Variants in RSPH14 observed in about 807,000 individuals in gnomAD.
RSPH14 encodes rhabdoid tumor deletion region gene 1.
Under a neutral mutation model 26.7 loss-of-function variants are expected in RSPH14, and 20 were observed. The observed-to-expected ratio is 0.75, with a 90% CI of 0.53 to 1.09. The LOEUF (loss-of-function observed/expected upper bound fraction) is 1.09. RSPH14 is among the 50% of genes least tolerant of loss of function. RSPH14 has a pLI of 0.00. For missense variants in RSPH14, 449 were observed against 457.2 expected (o/e 0.98, Z 0.16); for synonymous variants, 177 against 189.3 (o/e 0.93, Z 0.53).
intron 5 of RSPH14, 146 bp downstream of exon 5, chr22:23,063,756 A>AGC (rs2068139532): frequency 1.4e-6 from 1 of 704,796 alleles, no homozygotes; most frequent in African/African-American, 1.8e-5. Context: ...GGAGAAGGTC[A>AGC]TCCTCTGTCC....
chr22:23,073,790 T>C (rs1387737516), intron 4 of RSPH14, among the ~76,000 whole-genome samples: 1 of 152,192 alleles, frequency 6.6e-6, no homozygotes, highest in Non-Finnish European at 1.5e-5. Context: ...TGCCAGGCAC[T>C]GTGCCAGGTG....
At chr22:23,115,499 C>T (rs989812608) in intron 4 of RSPH14, among the ~76,000 whole-genome samples, 1 of 152,094 alleles carries the variant, frequency 6.6e-6, no homozygotes, top group African/African-American at 2.4e-5. Flanking sequence ...TCTGGGAGTG[C>T]GTCTGGCCTC....
At chr22:23,128,359 G>A (rs1167467652) in intron 4 of RSPH14, among the ~76,000 whole-genome samples, 1 of 152,204 alleles carries the variant, frequency 6.6e-6, no homozygotes. Flanking sequence ...TCATCGGGCT[G>A]GGGAGCAGAA....
the RSPH14 span, chr22:23,160,825 T>C: frequency 1.9e-6 from 3 of 1,582,564 alleles, no homozygotes; most frequent in Non-Finnish European, 2.6e-6. Context: ...CCCAGATGCA[T>C]TAAGGGGCAA....
At chr22:23,114,486 G>A (rs527415242) in intron 4 of RSPH14, among the ~76,000 whole-genome samples, 30 of 152,072 alleles carry the variant, frequency 2.0e-4, no homozygotes, top group African/African-American at 6.5e-4. Context: ...AGCCCCCAGA[G>A]GTCCAGTCAA....
upstream of RSPH14, chr22:23,145,381 G>T: frequency 6.2e-7 from 1 of 1,607,922 alleles, no homozygotes; most frequent in Non-Finnish European, 8.5e-7. Flanking sequence ...GATCGCCGGT[G>T]CAAGCTGGAT....
intron 4 of RSPH14, among the ~76,000 whole-genome samples, chr22:23,101,487 C>T (rs1382569185): frequency 1.3e-5 from 2 of 152,124 alleles, no homozygotes; most frequent in Non-Finnish European, 2.9e-5. Context: ...GTTGACACTC[C>T]CCTCGTCCCC....
At position 23,140,488 on chromosome 22, in the gene RSPH14, A is replaced by C; in HGVS notation, c.-52-16T>G. The stretch of plus-strand genomic sequence containing the variant: ...AAACCACTCACTAAAAGAGACCAAA[A>C]AGCTGTCATTATTTCTATTATGATT... On this transcript the variant is annotated splice_polypyrimidine_tract_variant and intron_variant, in intron 1 of 6. Transcript: ENST00000216036. 1 of 1,559,098 alleles carries C rather than the reference A, an allele frequency of 6.4e-7. No homozygotes were observed. The highest frequency in any genetic ancestry group is 1.2e-5 in the South Asian group (1 of 85,380).
chr22:23,123,491 G>A (rs764721927), intron 4 of RSPH14: 36 of 1,133,136 alleles, frequency 3.2e-5, no homozygotes, highest in African/African-American at 1.2e-4. Context: ...ATGCCCCAAC[G>A]CGTGCTAGAG....
the RSPH14 span, chr22:23,152,949 C>T: frequency 3.0e-6 from 3 of 987,660 alleles, no homozygotes; most frequent in Admixed American, 1.9e-5. Flanking sequence ...CCTTATTTGC[C>T]TAAAGACTTG....
intron 4 of RSPH14, among the ~76,000 whole-genome samples, chr22:23,118,182 C>A (rs1366781855): frequency 2.6e-5 from 4 of 152,194 alleles, no homozygotes; most frequent in African/African-American, 9.7e-5. Context: ...GAAATGACTT[C>A]CACACCACCC....
At chr22:23,073,561 C>T (rs1215311553) in intron 4 of RSPH14, among the ~76,000 whole-genome samples, 1 of 152,210 alleles carries the variant, frequency 6.6e-6, no homozygotes, top group Non-Finnish European at 1.5e-5. Context: ...CAAGAGTGCC[C>T]TGCCCTGTCC....
At chr22:23,061,429 T>C (rs1306131947) in intron 6 of RSPH14, among the ~76,000 whole-genome samples, 32 of 152,094 alleles carry the variant, frequency 2.1e-4, no homozygotes, top group Admixed American at 1.9e-3. Context: ...ATAAACACCA[T>C]AGAGTCAAGG....
At chr22:23,160,864 C>T in the RSPH14 span, 1 of 1,611,458 alleles carries the variant, frequency 6.2e-7, no homozygotes, top group Non-Finnish European at 8.5e-7. Context: ...TCCCGGCTGT[C>T]TTGTGGGCCC....
upstream of RSPH14, chr22:23,145,573 G>A (rs762045062): frequency 1.3e-6 from 2 of 1,589,884 alleles, no homozygotes; most frequent in Admixed American, 1.7e-5. Context: ...CGCCCACTCT[G>A]TCCGACCCTC....
At chr22:23,076,953 G>A (rs999611440) in intron 4 of RSPH14, among the ~76,000 whole-genome samples, 3 of 152,222 alleles carry the variant, frequency 2.0e-5, no homozygotes, top group Non-Finnish European at 2.9e-5. Flanking sequence ...TTGCCTTTGA[G>A]TTGGAAGCTC....
At chr22:23,126,629 G>A (rs939447118) in intron 4 of RSPH14, among the ~76,000 whole-genome samples, 1 of 152,218 alleles carries the variant, frequency 6.6e-6, no homozygotes, top group African/African-American at 2.4e-5. Context: ...CGCATGCTGA[G>A]CTGGGATGGT....
At chr22:23,178,357 G>A in the RSPH14 span, among the ~76,000 whole-genome samples, 7 of 151,690 alleles carry the variant, frequency 4.6e-5, no homozygotes, top group African/African-American at 9.7e-5. Flanking sequence ...CAGAGGTTGC[G>A]GTGAGCAGAG....
rs761195937 is a variant in RSPH14 at position 23,123,207 on chromosome 22, A to G, written c.421+10819T>C. 3 of 1,613,972 alleles carry G rather than the reference A, an allele frequency of 1.9e-6. No homozygotes were observed. The South Asian group carries it at 3.3e-5, about 18-fold the overall frequency. ...CCTGCTGGCAGAGAAGATCCGCCGCATCCCGCTCACCATCTGCTTTCCCGA... is the reference window on the plus strand; with the variant it reads ...CCTGCTGGCAGAGAAGATCCGCCGCGTCCCGCTCACCATCTGCTTTCCCGA... On this transcript the variant is annotated intron_variant, in intron 4 of 6. Coordinates refer to ENST00000216036, the MANE Select transcript of RSPH14 (RefSeq NM_014433.3).
Sources: gnomAD v4.1 joint callset for allele counts (sites outside exome capture counted in the v4.1 genomes callset) on GRCh38, gnomAD v4.1.1 for gene constraint, MANE v1.5 for transcripts, NCBI Gene and HGNC (gene_info 2026-07-23, HGNC 2026-07-21) for gene names.